ZNF891: variants seen among roughly 807,000 people sequenced by gnomAD.
ZNF891 encodes zinc finger protein 891, also known as hCG1646157.
For missense variants in ZNF891, 589 were observed against 632.7 expected (o/e 0.93, Z 0.74); for synonymous variants, 199 against 209.0 (o/e 0.95, Z 0.41).
Position 133,117,946 on chromosome 12 carries a change from CTT to C in ZNF891, c.*2336_*2337del, listed in dbSNP as rs10593642. The C allele has an allele frequency of 0.18, 22,573 of 128,202 alleles. 1,861 individuals carry two copies. The highest frequency in any genetic ancestry group is 0.25 in the Middle Eastern group (65 of 256). 7.9% of individuals were successfully genotyped at this position (128,202 alleles called of 1,614,324 possible). A position where few individuals can be genotyped will look rare whatever the true frequency, so the allele number is the denominator to read the frequency against. ...ACTAAAAACATTTACCTTCACCTTC[CTT>C]TTTTTTTTTTTTTTTTTGAGATGAA... is the stretch of plus-strand genomic sequence containing the variant. On this transcript the variant is annotated 3_prime_UTR_variant, in exon 2 of 2. Transcript: ENST00000537226.
chr12:133,125,046 AT>A (rs1406814349), intron 1 of ZNF891, among the ~76,000 whole-genome samples: 1 of 152,146 alleles, frequency 6.6e-6, no homozygotes, highest in Non-Finnish European at 1.5e-5. Flanking sequence ...TGGAGACATA[AT>A]TTTTCTATGG....
intron 1 of ZNF891, among the ~76,000 whole-genome samples, chr12:133,123,602 G>C (rs963689615): frequency 6.6e-5 from 10 of 151,966 alleles, no homozygotes; most frequent in African/African-American, 2.4e-4. Context: ...CAGCTACTCA[G>C]GAGGCTGAGA....
intron 1 of ZNF891, among the ~76,000 whole-genome samples, chr12:133,126,317 AT>A (rs1424051704): frequency 1.4e-4 from 21 of 151,910 alleles, no homozygotes; most frequent in Non-Finnish European, 2.9e-4. Flanking sequence ...TACTAAAAAT[AT>A]AAAAAATTAG....
chr12:133,128,410 T>C (rs924733037), intron 1 of ZNF891, among the ~76,000 whole-genome samples: 49 of 152,158 alleles, frequency 3.2e-4, no homozygotes, highest in African/African-American at 9.9e-4. Flanking sequence ...GGCGGGCGGA[T>C]TGCCTGAGCT....
At position 133,115,194 on chromosome 12, in the gene ZNF891, G is replaced by C. The variant is rs1955708587; in HGVS notation, c.*5090C>G. 1 of 151,968 alleles carries C rather than the reference G, an allele frequency of 6.6e-6. No individual in the cohort carries two copies. The highest frequency in any genetic ancestry group is 2.1e-4 in the South Asian group (1 of 4,806). 9.4% of individuals were successfully genotyped at this position (151,968 alleles called of 1,614,324 possible). On this transcript the variant is annotated 3_prime_UTR_variant, in exon 2 of 2. Coordinates refer to ENST00000537226, the MANE Select transcript of ZNF891 (RefSeq NM_001277291.2). ...GGATCACCTGAGGTTAGGAGTTTGA[G>C]ACCAGCCTGACCAACATGGAGAAAC...
chr12:133,105,840 C>T lies in ZNF891; in HGVS notation c.*14444G>A. On this transcript the variant is annotated 3_prime_UTR_variant, in exon 2 of 2. Transcript: ENST00000537226. ...CAGAGGACTCATACTGGAGAGAAAC[C>T]ATATGCATGTAAGGAATGTGGCAAA... The T allele has an allele frequency of 1.2e-6, 2 of 1,614,176 alleles. No homozygotes were observed. The highest frequency in any genetic ancestry group is 1.7e-6 in the Non-Finnish European group (2 of 1,180,048).
chr12:133,106,153 G>C lies in ZNF891; in HGVS notation c.*14131C>G, dbSNP rs765672237. The C allele has an allele frequency of 6.8e-6, 11 of 1,614,166 alleles. No homozygotes were observed. The highest frequency in any genetic ancestry group is 2.2e-5 in the South Asian group (2 of 91,086). ...GTGGCTCAGAACTCATTCGCCACCA[G>C]ATTACACATACTGGAGAGAAACCTT... On this transcript the variant is annotated 3_prime_UTR_variant, in exon 2 of 2. Transcript: ENST00000537226.
At position 133,121,350 on chromosome 12, in the gene ZNF891, T is replaced by C; in HGVS notation, c.569A>G (p.Asp190Gly). 3.3e-6 allele frequency: 5 copies of C among 1,536,120 alleles called. No homozygotes were observed. Among genetic ancestry groups the C allele is most frequent in the Non-Finnish European group, 4.4e-6 (5 of 1,146,894 alleles). ...AGAGTTTTCCTCTAATTCATGATAGTCACGGAATAGCTCCTGAGGTACTGT... is the reference window on the plus strand; with the variant it reads ...AGAGTTTTCCTCTAATTCATGATAGCCACGGAATAGCTCCTGAGGTACTGT... ...KKTVPQELFR[D>G]YHELEENSKL... The change falls in exon 2 of 2, where the codon GAC becomes GGC. Residue 190 changes from aspartate to glycine, a missense_variant. Coordinates refer to ENST00000537226, the MANE Select transcript of ZNF891 (RefSeq NM_001277291.2).
At chr12:133,127,827 T>C (rs764809376) in intron 1 of ZNF891, among the ~76,000 whole-genome samples, 8 of 152,162 alleles carry the variant, frequency 5.3e-5, no homozygotes, top group Non-Finnish European at 1.2e-4. Context: ...TAAGACTGTA[T>C]GACAGATTAG....
At chr12:133,126,430 T>C (rs1183296836) in intron 1 of ZNF891, among the ~76,000 whole-genome samples, 2 of 133,254 alleles carry the variant, frequency 1.5e-5, no homozygotes, top group East Asian at 2.2e-4. Context: ...GCCGAGGTCG[T>C]ACCACTGCAC....
Position 133,106,169 on chromosome 12 carries a change from G to C in ZNF891, c.*14115C>G. The stretch of plus-strand genomic sequence containing the variant: ...TCGCCACCAGATTACACATACTGGA[G>C]AGAAACCTTATGAATGCATTGAATG... On this transcript the variant is annotated 3_prime_UTR_variant, in exon 2 of 2. Transcript: ENST00000537226. 6.2e-7 allele frequency: 1 copy of C among 1,614,196 alleles called. No homozygotes were observed. Among genetic ancestry groups the C allele is most frequent in the South Asian group, 1.1e-5 (1 of 91,082 alleles).
rs1955767627 is a variant in ZNF891 at position 133,121,980 on chromosome 12, C to G, written c.-62G>C. The G allele has an allele frequency of 7.0e-7, 1 of 1,433,212 alleles. No homozygotes were observed. The highest frequency in any genetic ancestry group is 1.4e-5 in the African/African-American group (1 of 70,288). 88.8% of individuals were successfully genotyped at this position (1,433,212 alleles called of 1,614,324 possible). ...GATCAGGATGTTTCTGTTCTTGTGT[C>G]TCCAATCCAGTCACAGGAGGGATGC... On this transcript the variant is annotated 5_prime_UTR_variant, in exon 2 of 2. Coordinates refer to ENST00000537226, the MANE Select transcript of ZNF891 (RefSeq NM_001277291.2).
Position 133,115,390 on chromosome 12 carries a change from CAAAAAAAAAAAAAAAAAAAA to C in ZNF891, c.*4874_*4893del. 2.9e-5 allele frequency: 1 copy of C among 34,354 alleles called. No homozygotes were observed. The highest frequency in any genetic ancestry group is 1.7e-3 in the South Asian group (1 of 586). The allele number at this position is 34,354 out of a possible 1,614,324, so 2.1% of individuals were successfully genotyped here. A position where few individuals can be genotyped will look rare whatever the true frequency, so the allele number is the denominator to read the frequency against. ...CCTGGGAAAAAGCAAAACTCCTTCT[CAAAAAAAAAAAAAAAAAAAA>C]AAAAAAGATGTGGGATAAAAGGTAT... On this transcript the variant is annotated 3_prime_UTR_variant, in exon 2 of 2. Coordinates refer to ENST00000537226, the MANE Select transcript of ZNF891 (RefSeq NM_001277291.2).
At chr12:133,129,386 G>C (rs954795873) in intron 1 of ZNF891, among the ~76,000 whole-genome samples, 1 of 151,530 alleles carries the variant, frequency 6.6e-6, no homozygotes, top group East Asian at 1.9e-4. Context: ...CTGTAATCCC[G>C]GCAACTCACA....
Position 133,106,624 on chromosome 12 carries a change from C to G in ZNF891, c.*13660G>C, listed in dbSNP as rs1955609509. The G allele has an allele frequency of 3.1e-6, 5 of 1,597,792 alleles. No individual in the cohort carries two copies. The highest frequency in any genetic ancestry group is 4.3e-6 in the Non-Finnish European group (5 of 1,174,672). ...ATGAATATGAAAATTCATTTAATTA[C>G]CACTCATTCCTTACTGAACACCAGT... is the stretch of plus-strand genomic sequence containing the variant. On this transcript the variant is annotated 3_prime_UTR_variant, in exon 2 of 2. Transcript: ENST00000537226.
In ZNF891 at chr12:133,120,060, CAAT is replaced by C. The variant is rs547191826; in HGVS notation, c.*221_*223del. ...ACAATGGAATTAACCTAGAAACCAA[CAAT>C]AAAAAGATAACTGAAAATATACCTA... On this transcript the variant is annotated 3_prime_UTR_variant, in exon 2 of 2. Coordinates refer to ENST00000537226, the MANE Select transcript of ZNF891 (RefSeq NM_001277291.2). The C allele has an allele frequency of 6.1e-5, 25 of 408,448 alleles. No individual in the cohort carries two copies. In the Admixed American group the frequency reaches 9.2e-4, roughly 15 times the overall value. 25.3% of individuals were successfully genotyped at this position (408,448 alleles called of 1,614,324 possible).
chr12:133,124,280 G>A (rs1219673450), intron 1 of ZNF891, among the ~76,000 whole-genome samples: 3 of 152,082 alleles, frequency 2.0e-5, no homozygotes, highest in Non-Finnish European at 4.4e-5. Context: ...ATGGCTTTCT[G>A]TTTGGAAAAA....
rs890438162 is a variant in ZNF891 at position 133,111,638 on chromosome 12, C to G, written c.*8646G>C. On this transcript the variant is annotated 3_prime_UTR_variant, in exon 2 of 2. Transcript: ENST00000537226. ...AAAAAATATTTTAGAAAAATCAAAACTCCCATGAAACTGTGCTCATAGGTA... is the reference window on the plus strand; with the variant it reads ...AAAAAATATTTTAGAAAAATCAAAAGTCCCATGAAACTGTGCTCATAGGTA... The G allele has an allele frequency of 2.0e-5, 3 of 152,108 alleles. No individual in the cohort carries two copies. The highest frequency in any genetic ancestry group is 7.2e-5 in the African/African-American group (3 of 41,418). The allele number at this position is 152,108 out of a possible 1,614,324, so 9.4% of individuals were successfully genotyped here.
intron 1 of ZNF891, among the ~76,000 whole-genome samples, chr12:133,122,560 G>A (rs907940679): frequency 3.9e-5 from 6 of 152,152 alleles, no homozygotes; most frequent in Admixed American, 2.0e-4. Context: ...GAGAACATAC[G>A]GACACAGGGT....
Sources: gnomAD v4.1 joint callset for allele counts (sites outside exome capture counted in the v4.1 genomes callset) on GRCh38, gnomAD v4.1.1 for gene constraint, MANE v1.5 for transcripts, NCBI Gene and HGNC (gene_info 2026-07-23, HGNC 2026-07-21) for gene names.